KCNMA1: variants seen among roughly 807,000 people sequenced by gnomAD.
KCNMA1 encodes the protein Calcium-activated potassium channel subunit alpha-1.
A neutral mutation model predicts 140.0 loss-of-function variants in KCNMA1; 29 were observed. The observed-to-expected ratio is 0.21, with a 90% CI of 0.15 to 0.28. The LOEUF is 0.28. Among genes scored for constraint, KCNMA1 ranks in the 10% least tolerant of loss-of-function variants. The pLI, the probability that KCNMA1 is intolerant of heterozygous loss-of-function variation, is 1.00. For missense variants in KCNMA1, 880 were observed against 1,602.2 expected (o/e 0.55, Z 7.70); for synonymous variants, 612 against 611.9 (o/e 1.00, Z 0.00).
At chr10:77,453,563 C>T (rs138342245) in intron 1 of KCNMA1, among the ~76,000 whole-genome samples, 1 of 152,120 alleles carries the variant, frequency 6.6e-6, no homozygotes, top group East Asian at 1.9e-4. Flanking sequence ...CCTACAGTTG[C>T]CTCAACTTCC....
intron 3 of KCNMA1, among the ~76,000 whole-genome samples, chr10:77,210,569 C>A (rs1049688868): frequency 6.6e-6 from 1 of 152,024 alleles, no homozygotes; most frequent in Non-Finnish European, 1.5e-5. Flanking sequence ...GCCTGAGCAA[C>A]CAGGCAAGAG....
intron 2 of KCNMA1, among the ~76,000 whole-genome samples, chr10:77,361,127 T>C (rs937543434): frequency 3.3e-5 from 5 of 152,242 alleles, no homozygotes; most frequent in African/African-American, 1.2e-4. Flanking sequence ...GAAAGGACTA[T>C]AATGCTTGTC....
At chr10:77,260,135 A>T (rs1011919781) in intron 2 of KCNMA1, among the ~76,000 whole-genome samples, 1 of 152,144 alleles carries the variant, frequency 6.6e-6, no homozygotes, top group African/African-American at 2.4e-5. Context: ...TGGAGCAGGA[A>T]GAAGAGCACC....
intron 1 of KCNMA1, among the ~76,000 whole-genome samples, chr10:77,446,914 T>G (rs550418097): frequency 6.6e-6 from 1 of 152,346 alleles, no homozygotes; most frequent in Admixed American, 6.5e-5. Context: ...GCTGGCAAGT[T>G]CTTCCTGCTC....
rs1446528365 is a variant in KCNMA1 at position 77,637,537 on chromosome 10, G to A, written c.106C>T (p.Leu36=). Residue 36 remains leucine (L), a synonymous_variant, in exon 1 of 28, where the codon CTA becomes TTA. Transcript: ENST00000286628. Reference sequence around the variant, plus strand: ...GAGGAGGAGGAGGAGGACGCGTCTAGGCTGAGATGGTTCGCGTGGATATTG... The same window carrying A: ...GAGGAGGAGGAGGAGGACGCGTCTAAGCTGAGATGGTTCGCGTGGATATTG... ...SSNIHANHLS[L]DASSSSSSSS... 6 of 1,549,636 alleles carry A rather than the reference G, an allele frequency of 3.9e-6. No homozygotes were observed. Among genetic ancestry groups the A allele is most frequent in the East Asian group, 2.4e-5 (1 of 41,636 alleles).
chr10:77,516,079 G>A (rs1317926999), intron 1 of KCNMA1, among the ~76,000 whole-genome samples: 1 of 152,190 alleles, frequency 6.6e-6, no homozygotes, highest in Non-Finnish European at 1.5e-5. Flanking sequence ...TGCGAAGGGT[G>A]CATAAGGCCA....
intron 23 of KCNMA1, among the ~76,000 whole-genome samples, chr10:76,923,847 AC>A (rs1207826251): frequency 1.3e-5 from 2 of 151,912 alleles, no homozygotes; most frequent in African/African-American, 4.8e-5. Context: ...ACAAACAAAC[AC>A]AAAAAAATTA....
rs926732100 is a variant in KCNMA1 at position 77,104,933 on chromosome 10, G to T, written c.1223+3548C>A. Among the ~76,000 whole-genome samples, 13 of 152,192 alleles carry T rather than the reference G, an allele frequency of 8.5e-5. No individual in the cohort carries two copies. The East Asian group carries it at 2.5e-3, about 29-fold the overall frequency. On this transcript the variant is annotated intron_variant, in intron 9 of 27. Coordinates refer to ENST00000286628, the MANE Select transcript of KCNMA1 (RefSeq NM_001161352.2). ...TGACCTTACACAAAGGAAAGGAGGAGGAGGCAGTGGCCTTGGGAGGCAGGC... is the reference window on the plus strand; with the variant it reads ...TGACCTTACACAAAGGAAAGGAGGATGAGGCAGTGGCCTTGGGAGGCAGGC...
intron 2 of KCNMA1, among the ~76,000 whole-genome samples, chr10:77,352,142 G>A (rs1351063589): frequency 1.3e-5 from 2 of 152,240 alleles, no homozygotes; most frequent in Non-Finnish European, 2.9e-5. Flanking sequence ...CTGTCCGCGT[G>A]CAGGGTTCAA....
chr10:77,269,260 T>A (rs878982756), intron 2 of KCNMA1, among the ~76,000 whole-genome samples: 1 of 152,232 alleles, frequency 6.6e-6, no homozygotes, highest in African/African-American at 2.4e-5. Flanking sequence ...AGCAAATCCA[T>A]ACTGAGTTGT....
chr10:77,190,374 A>C (rs2154137021), intron 3 of KCNMA1, among the ~76,000 whole-genome samples: 1 of 152,348 alleles, frequency 6.6e-6, no homozygotes, highest in South Asian at 2.1e-4. Flanking sequence ...CCCATTTTAC[A>C]GACAGAGAAG....
At chr10:77,014,157 G>A (rs2091486897) in intron 17 of KCNMA1, among the ~76,000 whole-genome samples, 1 of 152,154 alleles carries the variant, frequency 6.6e-6, no homozygotes, top group African/African-American at 2.4e-5. Context: ...GGCTGGGTGT[G>A]GCGGCTGACG....
At chr10:77,222,762 G>A (rs2050093638) in intron 3 of KCNMA1, among the ~76,000 whole-genome samples, 1 of 152,226 alleles carries the variant, frequency 6.6e-6, no homozygotes, top group African/African-American at 2.4e-5. Flanking sequence ...TGGCAAGGTT[G>A]CCTCACTCCC....
intron 1 of KCNMA1, among the ~76,000 whole-genome samples, chr10:77,631,121 A>AT (rs1165255912): frequency 6.7e-6 from 1 of 149,214 alleles, no homozygotes; most frequent in African/African-American, 2.6e-5. Context: ...AAAAAAAAAA[A>AT]AAAAAAAAGT....
chr10:77,539,477 G>A (rs113800686), intron 1 of KCNMA1, among the ~76,000 whole-genome samples: 4 of 152,176 alleles, frequency 2.6e-5, no homozygotes, highest in Non-Finnish European at 4.4e-5. Flanking sequence ...AATTGAGCTT[G>A]GGGACCGAAA....
At chr10:77,553,614 TATGTCTCAGGGGCATCCC>T (rs1354641852) in intron 1 of KCNMA1, among the ~76,000 whole-genome samples, 1 of 152,208 alleles carries the variant, frequency 6.6e-6, no homozygotes, top group African/African-American at 2.4e-5. Flanking sequence ...GCCCACCTGC[TATGTCTCAGGGGCATCCC>T]ACACCCAGAA....
At chr10:76,912,621 A>G (rs1467036244) in intron 24 of KCNMA1, 2 of 152,232 alleles carry the variant, frequency 1.3e-5, no homozygotes, top group African/African-American at 4.8e-5. Context: ...AGAGTCAATG[A>G]TGCTAATCAA....
chr10:77,265,017 G>T (rs2063036442), intron 2 of KCNMA1, among the ~76,000 whole-genome samples: 1 of 151,998 alleles, frequency 6.6e-6, no homozygotes, highest in African/African-American at 2.4e-5. Context: ...AAAGCAGGAT[G>T]CCAGAAGCCA....
At chr10:77,298,249 T>C (rs529934200) in intron 2 of KCNMA1, among the ~76,000 whole-genome samples, 11 of 152,236 alleles carry the variant, frequency 7.2e-5, no homozygotes, top group Admixed American at 7.2e-4. Flanking sequence ...TTTTATTTAT[T>C]TATTTATTTT....
Sources: gnomAD v4.1 joint callset for allele counts (sites outside exome capture counted in the v4.1 genomes callset) on GRCh38, gnomAD v4.1.1 for gene constraint, MANE v1.5 for transcripts, NCBI Gene and HGNC (gene_info 2026-07-23, HGNC 2026-07-21) for gene names.